EYA1: variants seen among roughly 807,000 people sequenced by gnomAD.
The protein encoded by EYA1 is protein phosphatase EYA1.
In EYA1, 16 loss-of-function variants were observed where a neutral mutation model predicts 82.0. That is an observed-to-expected ratio of 0.20 (90% CI 0.13 to 0.30). The LOEUF is 0.30. Among genes scored for constraint, EYA1 ranks in the 10% least tolerant of loss-of-function variants. The pLI is 1.00. For synonymous variants in EYA1, 261 were observed against 264.4 expected (o/e 0.99, Z 0.12); for missense variants, 633 against 730.7 (o/e 0.87, Z 1.54).
intron 2 of EYA1, among the ~76,000 whole-genome samples, chr8:71,508,313 G>T (rs1180701575): frequency 6.6e-6 from 1 of 152,018 alleles, no homozygotes; most frequent in Non-Finnish European, 1.5e-5. Context: ...TCCTTCTGTC[G>T]CCCAGGCTGG....
At chr8:71,537,652 T>C (rs1476473105) in intron 1 of EYA1, among the ~76,000 whole-genome samples, 4 of 152,182 alleles carry the variant, frequency 2.6e-5, no homozygotes, top group African/African-American at 4.8e-5. Flanking sequence ...AGGGAGCAGG[T>C]CTAAGACAAA....
chr8:71,373,712 G>A (rs995251960), intron 2 of EYA1, among the ~76,000 whole-genome samples: 4 of 152,096 alleles, frequency 2.6e-5, no homozygotes, highest in African/African-American at 9.7e-5. Context: ...CAAAGTTGGA[G>A]GCATCACACG....
chr8:71,386,456 G>A (rs1828970311), intron 2 of EYA1, among the ~76,000 whole-genome samples: 2 of 152,184 alleles, frequency 1.3e-5, no homozygotes, highest in Non-Finnish European at 2.9e-5. Flanking sequence ...TTTTCATAAG[G>A]AAGTTTAAAT....
intron 2 of EYA1, among the ~76,000 whole-genome samples, chr8:71,397,720 C>G (rs927591147): frequency 6.6e-6 from 1 of 152,160 alleles, no homozygotes; most frequent in Non-Finnish European, 1.5e-5. Flanking sequence ...CTGCCCTTAA[C>G]ATTTTTTCCC....
intron 4 of EYA1, among the ~76,000 whole-genome samples, chr8:71,324,242 A>G (rs1190816787): frequency 6.6e-6 from 1 of 152,230 alleles, no homozygotes; most frequent in Non-Finnish European, 1.5e-5. Flanking sequence ...TACACAGAGT[A>G]CAGGAAGTCC....
intron 2 of EYA1, among the ~76,000 whole-genome samples, chr8:71,519,194 A>G (rs1210327895): frequency 6.6e-6 from 1 of 152,198 alleles, no homozygotes; most frequent in Non-Finnish European, 1.5e-5. Flanking sequence ...CATTTGTTAC[A>G]CCTAGACAGT....
intron 2 of EYA1, among the ~76,000 whole-genome samples, chr8:71,445,719 A>T (rs1262474636): frequency 1.3e-5 from 2 of 152,068 alleles, no homozygotes; most frequent in African/African-American, 4.8e-5. Flanking sequence ...GCTCACTGCC[A>T]GCTCCGCCTC....
chr8:71,331,001 C>A (rs935223068), intron 4 of EYA1, among the ~76,000 whole-genome samples: 1 of 151,832 alleles, frequency 6.6e-6, no homozygotes, highest in African/African-American at 2.4e-5. Flanking sequence ...GAGGCCGAGG[C>A]GAGTGGATTA....
chr8:71,276,541 G>GA (rs1245531392), intron 9 of EYA1, among the ~76,000 whole-genome samples: 1 of 152,090 alleles, frequency 6.6e-6, no homozygotes, highest in Non-Finnish European at 1.5e-5. Context: ...TTTCAATCCA[G>GA]AAACTCCTTA....
chr8:71,454,509 G>A (rs1004401281), intron 2 of EYA1, among the ~76,000 whole-genome samples: 9 of 152,072 alleles, frequency 5.9e-5, no homozygotes, highest in African/African-American at 2.2e-4. Flanking sequence ...AATTGACCAC[G>A]AAGTTGGAAG....
chr8:71,210,146 C>A (rs1457611259), intron 17 of EYA1, among the ~76,000 whole-genome samples: 1 of 152,176 alleles, frequency 6.6e-6, no homozygotes, highest in Non-Finnish European at 1.5e-5. Context: ...GGGTAAGTGG[C>A]AGGGTCATAA....
intron 2 of EYA1, among the ~76,000 whole-genome samples, chr8:71,400,450 GA>G (rs965685305): frequency 6.0e-5 from 9 of 149,976 alleles, no homozygotes; most frequent in Non-Finnish European, 1.0e-4. Flanking sequence ...AAATTTACAA[GA>G]AAAAAAAACA....
chr8:71,320,218 A>G (rs1822384768), intron 6 of EYA1, among the ~76,000 whole-genome samples: 1 of 152,218 alleles, frequency 6.6e-6, no homozygotes, highest in Admixed American at 6.5e-5. Context: ...TCCCACCAAG[A>G]CTGAATGGGG....
intron 2 of EYA1, among the ~76,000 whole-genome samples, chr8:71,455,567 A>G (rs957114633): frequency 1.3e-5 from 2 of 152,208 alleles, no homozygotes; most frequent in Admixed American, 6.5e-5. Flanking sequence ...ACGATGATCA[A>G]GTGGGCTTCA....
intron 2 of EYA1, chr8:71,448,757 G>A (rs1318309173): frequency 6.4e-6 from 1 of 156,796 alleles, no homozygotes; most frequent in Non-Finnish European, 1.5e-5. Flanking sequence ...ACATTCCTGA[G>A]TATACTCTAT....
At chr8:71,236,966 G>A (rs1224653665) in intron 12 of EYA1, among the ~76,000 whole-genome samples, 4 of 151,884 alleles carry the variant, frequency 2.6e-5, no homozygotes, top group East Asian at 1.9e-4. Context: ...ATGTACACAA[G>A]TTTTCATCTT....
chr8:71,334,102 C>T lies in EYA1; in HGVS notation c.197G>A (p.Gly66Asp). Residue 66 changes from glycine (G) to aspartate (D), a missense_variant, in exon 4 of 18, where the codon GGT (glycine) becomes GAT (aspartate). Gly to Asp is a moderately conservative substitution (Grantham distance 94, BLOSUM62 -1). Transcript: ENST00000340726. ...TADGSLNNFSGSAIGSSSFSP... is the reference protein window; with the variant it reads ...TADGSLNNFSDSAIGSSSFSP... ...ATCTAATATTTATTCCTTACCTGAA[C>T]CTGAGAAATTGTTTAAAGACCCGTC... is the stretch of plus-strand genomic sequence containing the variant. 2 of 1,611,914 alleles carry T rather than the reference C, an allele frequency of 1.2e-6. No homozygotes were observed. Among genetic ancestry groups the T allele is most frequent in the East Asian group, 2.2e-5 (1 of 44,832 alleles).
chr8:71,399,874 C>T lies in EYA1; in HGVS notation c.34-43363G>A, dbSNP rs190642288. 1.8e-3 allele frequency among the ~76,000 whole-genome samples: 280 copies of T among 152,254 alleles called. 2 individuals are homozygous for T. The highest frequency in any genetic ancestry group is 3.4e-3 in the Middle Eastern group (1 of 294). ...TAAGCAAAAAGAACAAAGCTGGAGG[C>T]ATCATGCTACCTGACTTCAAACTAT... is the stretch of plus-strand genomic sequence containing the variant. On this transcript the variant is annotated intron_variant, in intron 2 of 18. Transcript: ENST00000643681.
In EYA1 at chr8:71,298,952, A is replaced by G. The variant is rs961088844; in HGVS notation, c.826+95T>C. On this transcript the variant is annotated intron_variant, in intron 9 of 17. Transcript: ENST00000340726. Reference sequence around the variant, plus strand: ...TTAGTCCTTGCCAAAAGCTGCCAAAATTGTGCAACCACTGCATGAATATAT... The same window carrying G: ...TTAGTCCTTGCCAAAAGCTGCCAAAGTTGTGCAACCACTGCATGAATATAT... The G allele has an allele frequency of 3.9e-6, 5 of 1,275,998 alleles. No homozygotes were observed. The African/African-American group carries it at 7.3e-5, about 19-fold the overall frequency. The allele number at this position is 1,275,998 out of a possible 1,614,324, so 79.0% of individuals were successfully genotyped here.
Sources: allele counts gnomAD v4.1 joint callset (sites outside exome capture counted in the v4.1 genomes callset), GRCh38; gene constraint gnomAD v4.1.1; transcripts MANE v1.5; gene names NCBI Gene and HGNC (gene_info 2026-07-23, HGNC 2026-07-21).